Variants in CFHR4 observed in about 807,000 individuals in gnomAD.
CFHR4 encodes the protein complement factor H-related protein 4.
In CFHR4, 64 loss-of-function variants were observed where a neutral mutation model predicts 69.3. The ratio of observed to expected loss-of-function variants is 0.92; its 90% confidence interval spans 0.76 to 1.14. The LOEUF (loss-of-function observed/expected upper bound fraction) is 1.14, where lower values mean the gene tolerates loss of function less well. Among genes scored for constraint, CFHR4 ranks in the 50% most tolerant of loss-of-function variants. The probability of loss-of-function intolerance (pLI) is 0.00; values close to 1 mark genes in which losing one functional copy is unlikely to be tolerated. For synonymous variants in CFHR4, 244 were observed against 237.0 expected (o/e 1.03, Z -0.27); for missense variants, 636 against 684.9 (o/e 0.93, Z 0.80).
Position 196,888,162 on chromosome 1 carries a change from A to G in CFHR4, c.12A>G (p.Leu4=), listed in dbSNP as rs746197733. MLL[L]INVILTLWVS... ...TGAGAATATCTAACATGTTGTTACTAATCAATGTCATTCTGACCTTGTGGG... is the reference window on the plus strand; with the variant it reads ...TGAGAATATCTAACATGTTGTTACTGATCAATGTCATTCTGACCTTGTGGG... Residue 4 remains leucine, a synonymous_variant, in exon 1 of 10, where the codon CTA becomes CTG. Coordinates refer to ENST00000608469, the MANE Select transcript of CFHR4 (RefSeq NM_001201550.3). The G allele has an allele frequency of 8.7e-6, 14 of 1,611,056 alleles. No homozygotes were observed. Among genetic ancestry groups the G allele is most frequent in the Non-Finnish European group, 1.2e-5 (14 of 1,178,560 alleles).
intron 5 of CFHR4, among the ~76,000 whole-genome samples, chr1:196,910,068 C>G (rs995889356): frequency 2.7e-5 from 4 of 148,652 alleles, no homozygotes; most frequent in African/African-American, 1.0e-4. Flanking sequence ...AGGAGAATCA[C>G]TTGAACCTGG....
intron 8 of CFHR4, 71 bp downstream of exon 8, chr1:196,914,742 C>A (rs1658491153): frequency 2.1e-6 from 3 of 1,397,866 alleles, no homozygotes; most frequent in Non-Finnish European, 9.6e-7. Context: ...TGTATATGTA[C>A]ACATATGTGT....
intron 1 of CFHR4, among the ~76,000 whole-genome samples, chr1:196,890,922 T>C (rs1656993792): frequency 6.6e-6 from 1 of 151,510 alleles, no homozygotes; most frequent in African/African-American, 2.4e-5. Flanking sequence ...GAACCTAAAC[T>C]ATGAAAACCT....
Position 196,906,976 on chromosome 1 carries a change from A to G in CFHR4, c.555A>G (p.Gly185=), listed in dbSNP as rs780815269. Residue 185 remains glycine (G), a synonymous_variant, in exon 4 of 10, where the codon GGA becomes GGG. Transcript: ENST00000608469. The stretch of plus-strand genomic sequence containing the variant: ...ATGATGGATATGAAAGCAGTTATGG[A>G]AACACCACAGATTCCATAGTGTGTG... ...ECYDGYESSY[G]NTTDSIVCGE... is the part of the protein sequence containing the mutation. 1.9e-6 allele frequency: 3 copies of G among 1,612,690 alleles called. No individual in the cohort carries two copies. The highest frequency in any genetic ancestry group is 1.7e-5 in the Admixed American group (1 of 59,874).
intron 1 of CFHR4, among the ~76,000 whole-genome samples, chr1:196,900,897 A>G (rs2124947210): frequency 6.6e-6 from 1 of 151,618 alleles, no homozygotes; most frequent in East Asian, 1.9e-4. Flanking sequence ...TAGGCCAAGA[A>G]ACTATACAAA....
chr1:196,914,634 T>C lies in CFHR4; in HGVS notation c.1320T>C (p.Cys440=), dbSNP rs376665896. The C allele has an allele frequency of 6.2e-7, 1 of 1,608,562 alleles. No individual in the cohort carries two copies. Among genetic ancestry groups the C allele is most frequent in the African/African-American group, 1.3e-5 (1 of 74,236 alleles). ...SYGNTTGSIV[C]GEDGWSHFPT... The stretch of plus-strand genomic sequence containing the variant: ...GAAACACCACAGGTTCCATAGTGTG[T>C]GGTGAAGATGGGTGGTCCCATTTCC... The change falls in exon 8 of 10, where the codon TGT becomes TGC. Residue 440 remains cysteine (C), a synonymous_variant. Coordinates refer to ENST00000608469, the MANE Select transcript of CFHR4 (RefSeq NM_001201550.3).
intron 9 of CFHR4, among the ~76,000 whole-genome samples, chr1:196,915,661 A>C (rs1029025969): frequency 6.6e-6 from 1 of 151,332 alleles, no homozygotes; most frequent in African/African-American, 2.4e-5. Context: ...AAAAATAAAA[A>C]ATAAATAAAT....
At chr1:196,897,206 T>C (rs1657346861) in intron 1 of CFHR4, among the ~76,000 whole-genome samples, 1 of 151,598 alleles carries the variant, frequency 6.6e-6, no homozygotes, top group South Asian at 2.1e-4. Flanking sequence ...AGGGGTGTTA[T>C]CTGCTTTGTC....
In CFHR4 at chr1:196,888,609, AT is replaced by A. The variant is rs1254245003; in HGVS notation, c.58+407del. Among the ~76,000 whole-genome samples the A allele has an allele frequency of 3.3e-5, 5 of 151,168 alleles. No homozygotes were observed. The South Asian group carries it at 8.3e-4, about 25-fold the overall frequency. The stretch of plus-strand genomic sequence containing the variant: ...TACTTTCATAATCTTACATACAGTG[AT>A]TTTTTATTGATTCATATATCAAAAC... On this transcript the variant is annotated intron_variant, in intron 1 of 9. Coordinates refer to ENST00000608469, the MANE Select transcript of CFHR4 (RefSeq NM_001201550.3).
intron 2 of CFHR4, among the ~76,000 whole-genome samples, chr1:196,903,595 G>A (rs989589422): frequency 1.3e-5 from 2 of 151,070 alleles, no homozygotes; most frequent in African/African-American, 4.9e-5. Context: ...GGAGGTTGCA[G>A]TGAGCTGAGA....
At chr1:196,910,009 G>T (rs1658153574) in intron 5 of CFHR4, among the ~76,000 whole-genome samples, 1 of 150,534 alleles carries the variant, frequency 6.6e-6, no homozygotes, top group Non-Finnish European at 1.5e-5. Flanking sequence ...AAAATTAGAT[G>T]GGCGTGGTGG....
intron 7 of CFHR4, among the ~76,000 whole-genome samples, chr1:196,913,960 G>T (rs1210048026): frequency 6.6e-6 from 1 of 151,116 alleles, no homozygotes; most frequent in Non-Finnish European, 1.5e-5. Flanking sequence ...TAAAGAAAAA[G>T]GTGTATACTT....
At chr1:196,894,052 A>G (rs1463053501) in intron 1 of CFHR4, among the ~76,000 whole-genome samples, 1 of 151,498 alleles carries the variant, frequency 6.6e-6, no homozygotes, top group African/African-American at 2.4e-5. Context: ...CACCTATTAT[A>G]TATTACAACA....
rs34175798 is a variant in CFHR4, at chr1:196,907,304, A to C, written c.617-12A>C. 26,835 of 1,595,260 alleles carry C rather than the reference A, an allele frequency of 0.017. 521 individuals are homozygous for C. Among genetic ancestry groups the C allele is most frequent in the Non-Finnish European group, 0.02 (23,346 of 1,164,496 alleles). On this transcript the variant is annotated splice_polypyrimidine_tract_variant and intron_variant, in intron 4 of 9. Coordinates refer to ENST00000608469, the MANE Select transcript of CFHR4 (RefSeq NM_001201550.3). ...TGTTGATTTTTCCCCAATGTAAAGTATTTTTTTTCAGATTCTTCAGAAAAC... is the reference window on the plus strand; with the variant it reads ...TGTTGATTTTTCCCCAATGTAAAGTCTTTTTTTTCAGATTCTTCAGAAAAC...
In CFHR4 at chr1:196,896,073, C is replaced by A. The variant is rs543326689; in HGVS notation, c.59-6345C>A. ...CATTTTCTAATTTTCCCCATTCATG[C>A]AGTTGCTTTGGAACATCCTAGTGTT... On this transcript the variant is annotated intron_variant, in intron 1 of 9. Coordinates refer to ENST00000608469, the MANE Select transcript of CFHR4 (RefSeq NM_001201550.3). Among the ~76,000 whole-genome samples, 36 of 148,816 alleles carry A rather than the reference C, an allele frequency of 2.4e-4. 1 individual carries two copies. The highest frequency in any genetic ancestry group is 7.7e-4 in the African/African-American group (31 of 40,036).
In CFHR4 at chr1:196,905,116, T is replaced by G; in HGVS notation, c.265T>G (p.Ser89Ala). 1.3e-6 allele frequency: 2 copies of G among 1,597,550 alleles called. No homozygotes were observed. Among genetic ancestry groups the G allele is most frequent in the East Asian group, 2.2e-5 (1 of 44,450 alleles). The part of the protein sequence containing the change: ...SPTVPCLRTC[S>A]KSDVEIENGF... ...TACTTTTTCTATTTTAGGAACATGC[T>G]CAAAATCAGATGTAGAAATTGAAAA... The change falls in exon 3 of 10, where the codon TCA becomes GCA. Residue 89 changes from serine (S) to alanine (A), a missense_variant. This residue lies in a region of CFHR4 where 529 missense variants were observed against 533.2 expected (regional missense o/e 0.99). Transcript: ENST00000608469.
chr1:196,914,885 A>G (rs534420276), intron 8 of CFHR4, 71 bp from the exon 9 acceptor site: 1 of 1,546,072 alleles, frequency 6.5e-7, no homozygotes, highest in African/African-American at 1.4e-5. Flanking sequence ...AAGAGTATAT[A>G]AAAAGCTTTA....
intron 1 of CFHR4, among the ~76,000 whole-genome samples, chr1:196,891,790 T>C (rs1211169003): frequency 6.6e-6 from 1 of 151,248 alleles, no homozygotes; most frequent in African/African-American, 2.4e-5. Flanking sequence ...TCTCTTTGTA[T>C]ATACATATAC....
intron 1 of CFHR4, among the ~76,000 whole-genome samples, chr1:196,901,353 A>G (rs1010397121): frequency 1.3e-5 from 2 of 151,470 alleles, no homozygotes; most frequent in African/African-American, 2.4e-5. Context: ...AAATGAAGAT[A>G]CTTAAGAGAT....
Sources: gnomAD v4.1 joint callset for allele counts (sites outside exome capture counted in the v4.1 genomes callset) on GRCh38, gnomAD v4.1.1 for gene constraint, gnomAD v4.1.1 regional missense constraint, MANE v1.5 for transcripts, NCBI Gene and HGNC (gene_info 2026-07-23, HGNC 2026-07-21) for gene names.